MMD: variants seen among roughly 807,000 people sequenced by gnomAD.
MMD encodes the protein monocyte to macrophage differentiation factor.
MMD carries 22 observed loss-of-function variants against 33.6 expected under a neutral mutation model. The ratio of observed to expected loss-of-function variants is 0.66; its 90% confidence interval spans 0.47 to 0.94. The LOEUF (loss-of-function observed/expected upper bound fraction) is 0.94, where lower values mean the gene tolerates loss of function less well. Among genes scored for constraint, MMD ranks in the 40% least tolerant of loss-of-function variants. MMD has a pLI of 0.00. For synonymous variants in MMD, 97 were observed against 103.2 expected (o/e 0.94, Z 0.36); for missense variants, 242 against 309.8 (o/e 0.78, Z 1.64).
chr17:55,401,364 TA>T, intron 6 of MMD, 104 bp downstream of exon 6: 2 of 978,566 alleles, frequency 2.0e-6, no homozygotes, highest in Non-Finnish European at 3.0e-6. Context: ...AGCCTCTATT[TA>T]ATGGACATAA....
chr17:55,412,236 C>T (rs1186739640), intron 2 of MMD, among the ~76,000 whole-genome samples: 1 of 152,240 alleles, frequency 6.6e-6, no homozygotes, highest in Non-Finnish European at 1.5e-5. Context: ...TACAAAAAGT[C>T]AGTTGTTGAA....
chr17:55,404,869 C>G (rs1907481626), intron 4 of MMD: 1 of 470,488 alleles, frequency 2.1e-6, no homozygotes, highest in Non-Finnish European at 2.8e-6. Flanking sequence ...CAAGACCAGC[C>G]TGGCCAACAT....
chr17:55,404,492 T>G, intron 4 of MMD: 1 of 985,432 alleles, frequency 1.0e-6, no homozygotes, highest in Non-Finnish European at 1.2e-6. Context: ...GCTTGCCCTT[T>G]AATTTCTGAC....
At chr17:55,401,638 A>G in intron 5 of MMD, 100 bp from the exon 6 acceptor site, 1 of 979,782 alleles carries the variant, frequency 1.0e-6, no homozygotes, top group South Asian at 1.7e-5. Flanking sequence ...AAAGAAATGT[A>G]AACTCTTAAC....
chr17:55,416,925 A>G (rs769708330), intron 1 of MMD, among the ~76,000 whole-genome samples: 1 of 151,932 alleles, frequency 6.6e-6, no homozygotes, highest in Non-Finnish European at 1.5e-5. Context: ...TTTTTTACTC[A>G]TTCCTTCACT....
chr17:55,410,374 G>A (rs568741536), intron 3 of MMD, among the ~76,000 whole-genome samples: 2 of 152,222 alleles, frequency 1.3e-5, no homozygotes, highest in African/African-American at 2.4e-5. Context: ...AGGCATATTC[G>A]AGTATTTCTT....
intron 4 of MMD, chr17:55,404,505 T>G (rs552202025): frequency 5.0e-5 from 49 of 985,308 alleles, no homozygotes; most frequent in Non-Finnish European, 5.7e-5. Flanking sequence ...TTTCTGACCA[T>G]GTATTTGGGA....
intron 6 of MMD, among the ~76,000 whole-genome samples, chr17:55,398,258 C>G (rs1366343166): frequency 6.6e-6 from 1 of 151,756 alleles, no homozygotes; most frequent in African/African-American, 2.4e-5. Flanking sequence ...GACCTGGCTT[C>G]AAGTTCACTG....
At chr17:55,411,867 T>C (rs1043359811) in intron 2 of MMD, among the ~76,000 whole-genome samples, 2 of 152,088 alleles carry the variant, frequency 1.3e-5, no homozygotes, top group African/African-American at 4.8e-5. Context: ...GCTTGAGCCC[T>C]GGAGTTCCAG....
At chr17:55,409,925 C>T (rs997054345) in intron 3 of MMD, among the ~76,000 whole-genome samples, 18 of 152,212 alleles carry the variant, frequency 1.2e-4, no homozygotes, top group African/African-American at 4.3e-4. Flanking sequence ...CCAGGACAGG[C>T]ACTTTTGTGG....
At chr17:55,399,704 C>T (rs1031855283) in intron 6 of MMD, among the ~76,000 whole-genome samples, 1 of 152,146 alleles carries the variant, frequency 6.6e-6, no homozygotes, top group African/African-American at 2.4e-5. Context: ...TGAACTTTCC[C>T]CCATCAAATA....
chr17:55,400,288 A>G (rs745404729), intron 6 of MMD, among the ~76,000 whole-genome samples: 10 of 152,144 alleles, frequency 6.6e-5, no homozygotes, highest in Non-Finnish European at 1.3e-4. Context: ...TGGCTTACGC[A>G]TATAATCTCA....
In MMD at chr17:55,401,548, C is replaced by A; in HGVS notation, c.447-10G>T. On this transcript the variant is annotated splice_polypyrimidine_tract_variant and intron_variant, in intron 5 of 6. Coordinates refer to ENST00000262065, the MANE Select transcript of MMD (RefSeq NM_012329.3). ...TTCAACCACCTTATATCTGCAGGAA[C>A]AAAAATGCAGTTAATTTAACTTATA... 6.3e-7 allele frequency: 1 copy of A among 1,597,924 alleles called. No individual in the cohort carries two copies. Among genetic ancestry groups the A allele is most frequent in the Non-Finnish European group, 8.5e-7 (1 of 1,171,784 alleles).
At chr17:55,414,556 TCACACACACACACACACA>T (rs58103743) in intron 1 of MMD, among the ~76,000 whole-genome samples, 9 of 122,964 alleles carry the variant, frequency 7.3e-5, no homozygotes, top group Middle Eastern at 3.9e-3. Flanking sequence ...CCTCCTCCAT[TCACACACACACACACACA>T]CACACACACA....
intron 5 of MMD, among the ~76,000 whole-genome samples, chr17:55,402,533 C>A (rs1907388038): frequency 6.6e-6 from 1 of 152,266 alleles, no homozygotes; most frequent in South Asian, 2.1e-4. Flanking sequence ...GTACCTGATA[C>A]AATTTAGGTA....
rs540746609 is a variant in MMD, at chr17:55,400,662, T to C, written c.516+807A>G. On this transcript the variant is annotated intron_variant, in intron 6 of 6. Coordinates refer to ENST00000262065, the MANE Select transcript of MMD (RefSeq NM_012329.3). ...CTCAGAAGGGTTCAAACGAAACACC[T>C]TGGGACCTCCTTAGTTAATATAGTG... Among the ~76,000 whole-genome samples, 6 of 152,248 alleles carry C rather than the reference T, an allele frequency of 3.9e-5. No homozygotes were observed. The East Asian group carries it at 9.6e-4, about 24-fold the overall frequency.
At chr17:55,400,793 C>T (rs962876819) in intron 6 of MMD, among the ~76,000 whole-genome samples, 5 of 152,094 alleles carry the variant, frequency 3.3e-5, no homozygotes, top group African/African-American at 1.2e-4. Context: ...GACAGACACA[C>T]ACAGACTTCT....
Position 55,421,787 on chromosome 17 carries a change from A to T in MMD, c.-92T>A. On this transcript the variant is annotated 5_prime_UTR_variant, in exon 1 of 7. Transcript: ENST00000262065. ...CCCTCATGGGCTTGGGCTGCTCCGG[A>T]GGCCGCCTGCGTGTCCAGCGGAACC... 1 of 1,387,176 alleles carries T rather than the reference A, an allele frequency of 7.2e-7. No homozygotes were observed. The highest frequency in any genetic ancestry group is 1.4e-5 in the South Asian group (1 of 71,950). 85.9% of individuals were successfully genotyped at this position (1,387,176 alleles called of 1,614,324 possible). A position where few individuals can be genotyped will look rare whatever the true frequency, so the allele number is the denominator to read the frequency against.
intron 1 of MMD, among the ~76,000 whole-genome samples, chr17:55,414,574 A>ACACT (rs1194291125): frequency 3.3e-5 from 5 of 150,970 alleles, no homozygotes; most frequent in African/African-American, 1.2e-4. Context: ...ACACACACAC[A>ACACT]CACACACACA....
Sources: gnomAD v4.1 joint callset for allele counts (sites outside exome capture counted in the v4.1 genomes callset) on GRCh38, gnomAD v4.1.1 for gene constraint, MANE v1.5 for transcripts, NCBI Gene and HGNC (gene_info 2026-07-23, HGNC 2026-07-21) for gene names.